The following PTCHD4 variants were observed in gnomAD, a reference collection of about 807,000 sequenced individuals.
PTCHD4 encodes patched domain containing 4, also known as patched domain-containing protein 4.
Under a neutral mutation model 58.1 loss-of-function variants are expected in PTCHD4, and 33 were observed. The observed-to-expected ratio is 0.57, with a 90% CI of 0.43 to 0.76. The LOEUF is 0.76. PTCHD4 is among the 30% of genes least tolerant of loss of function. The pLI is 0.00. For missense variants in PTCHD4, 1,058 were observed against 1,027.1 expected (o/e 1.03, Z -0.41); for synonymous variants, 478 against 409.6 (o/e 1.17, Z -2.02).
chr6:48,109,998 T>TATAC (rs1562053591), intron 1 of PTCHD4, among the ~76,000 whole-genome samples: 1 of 152,160 alleles, frequency 6.6e-6, no homozygotes, highest in African/African-American at 2.4e-5. Flanking sequence ...AGAGCCCTTG[T>TATAC]ATACAACTGT....
intron 4 of PTCHD4, among the ~76,000 whole-genome samples, chr6:47,991,642 A>G (rs1216051382): frequency 1.3e-5 from 2 of 152,112 alleles, no homozygotes; most frequent in Non-Finnish European, 2.9e-5. Context: ...AAAACTAACA[A>G]TAGACTTAAA....
At chr6:47,979,894 G>A (rs959469501) in intron 4 of PTCHD4, among the ~76,000 whole-genome samples, 1 of 151,836 alleles carries the variant, frequency 6.6e-6, no homozygotes, top group Non-Finnish European at 1.5e-5. Context: ...CTGTATTTTT[G>A]ATGGCCATAG....
intron 4 of PTCHD4, among the ~76,000 whole-genome samples, chr6:47,978,707 A>G (rs1767780251): frequency 6.6e-6 from 1 of 152,158 alleles, no homozygotes; most frequent in Admixed American, 6.5e-5. Context: ...GTGATGGTTA[A>G]GCAAACAGGT....
chr6:47,998,641 G>A (rs1402357512), intron 4 of PTCHD4, among the ~76,000 whole-genome samples: 2 of 152,166 alleles, frequency 1.3e-5, no homozygotes, highest in African/African-American at 4.8e-5. Context: ...AGCAGTGTTG[G>A]ACAGTGCTAT....
chr6:48,075,714 C>T (rs1299276655), intron 1 of PTCHD4, among the ~76,000 whole-genome samples: 1 of 152,166 alleles, frequency 6.6e-6, no homozygotes, highest in African/African-American at 2.4e-5. Context: ...TGTTAGTTGT[C>T]AATAGCATTA....
rs567797539 is a variant in PTCHD4 at position 47,936,705 on chromosome 6, C to G, written c.899-56769G>C. On this transcript the variant is annotated intron_variant, in intron 4 of 4. Coordinates refer to ENST00000339488, the MANE Select transcript of PTCHD4 (RefSeq NM_001384253.1). ...GTGATGTGCTAGGCATTGTTCTAAACAGTTGGGACACATCAATGAACCAAA... is the reference window on the plus strand; with the variant it reads ...GTGATGTGCTAGGCATTGTTCTAAAGAGTTGGGACACATCAATGAACCAAA... Among the ~76,000 whole-genome samples, 192 of 152,284 alleles carry G rather than the reference C, an allele frequency of 1.3e-3. 1 individual carries two copies. The highest frequency in any genetic ancestry group is 4.4e-3 in the African/African-American group (183 of 41,572).
intron 4 of PTCHD4, among the ~76,000 whole-genome samples, chr6:47,953,031 A>C (rs1379981763): frequency 6.8e-6 from 1 of 148,090 alleles, no homozygotes; most frequent in African/African-American, 2.6e-5. Context: ...TGAACATTGA[A>C]GAATACTAAA....
In PTCHD4 at chr6:47,879,493, G is replaced by C. The variant is rs371181867; in HGVS notation, c.1342C>G (p.Arg448Gly). The change falls in exon 5 of 5, where the codon CGT becomes GGT. Residue 448 changes from arginine (R) to glycine (G), a missense_variant. Transcript: ENST00000339488. ...YQHHFIQHFL[R>G]EHYNEWITNI... ...GTAATCCATTCATTATAATGTTCACGGAGGAAGTGCTGAATGAAGTGGTGC... is the reference window on the plus strand; with the variant it reads ...GTAATCCATTCATTATAATGTTCACCGAGGAAGTGCTGAATGAAGTGGTGC... 1.2e-6 allele frequency: 2 copies of C among 1,613,690 alleles called. No homozygotes were observed. Among genetic ancestry groups the C allele is most frequent in the Admixed American group, 3.3e-5 (2 of 59,966 alleles).
chr6:47,935,825 A>G (rs578114494), intron 4 of PTCHD4, among the ~76,000 whole-genome samples: 188 of 152,348 alleles, frequency 1.2e-3, no homozygotes, highest in African/African-American at 4.4e-3. Flanking sequence ...TATACAAAGC[A>G]TATAATTTTA....
chr6:47,948,090 T>A (rs1766490495), intron 4 of PTCHD4, among the ~76,000 whole-genome samples: 1 of 152,228 alleles, frequency 6.6e-6, no homozygotes, highest in Non-Finnish European at 1.5e-5. Flanking sequence ...GCTTCAGAGC[T>A]GGAGCTGTGG....
intron 1 of PTCHD4, among the ~76,000 whole-genome samples, chr6:48,073,441 G>T (rs1765010527): frequency 6.6e-6 from 1 of 152,128 alleles, no homozygotes; most frequent in South Asian, 2.1e-4. Flanking sequence ...TTATTCACTT[G>T]CTCAATTCAC....
rs1443676480 is a variant in PTCHD4 at position 48,075,931 on chromosome 6, A to G, written c.-969-6005T>C. ...AAATAAGACAACAATGACGTTTGCC[A>G]CATCTCTTGACTTTTCCTTTCATGA... On this transcript the variant is annotated intron_variant, in intron 1 of 4. Coordinates refer to ENST00000339488, the MANE Select transcript of PTCHD4 (RefSeq NM_001384253.1). 3.3e-5 allele frequency among the ~76,000 whole-genome samples: 5 copies of G among 152,334 alleles called. No homozygotes were observed. The East Asian group carries it at 9.7e-4, about 29-fold the overall frequency.
intron 4 of PTCHD4, among the ~76,000 whole-genome samples, chr6:47,905,950 A>ATTGCTTG (rs1420661989): frequency 6.6e-6 from 1 of 152,166 alleles, no homozygotes; most frequent in Non-Finnish European, 1.5e-5. Flanking sequence ...GCTGGACTCT[A>ATTGCTTG]TTGCTTGTTG....
intron 1 of PTCHD4, among the ~76,000 whole-genome samples, chr6:48,095,077 G>A (rs1765436549): frequency 1.3e-5 from 2 of 152,228 alleles, no homozygotes; most frequent in South Asian, 2.1e-4. Context: ...GGGGATTGTG[G>A]ACATGTTCAT....
chr6:48,089,908 C>A (rs1335673046), intron 1 of PTCHD4, among the ~76,000 whole-genome samples: 1 of 152,152 alleles, frequency 6.6e-6, no homozygotes, highest in East Asian at 1.9e-4. Context: ...TCTTTTCTTT[C>A]TTTCGTATTT....
At position 47,868,302 on chromosome 6, in the gene PTCHD4, T is replaced by C. The variant is rs1323633198; in HGVS notation, c.*10001A>G. On this transcript the variant is annotated 3_prime_UTR_variant, in exon 5 of 5. Coordinates refer to ENST00000339488, the MANE Select transcript of PTCHD4 (RefSeq NM_001384253.1). The stretch of plus-strand genomic sequence containing the variant: ...CTCTAGGTTGTAGCATTTCAACTTA[T>C]AGGAAAGGACAGTTATTACCAACAA... Among the ~76,000 whole-genome samples, 3 of 151,710 alleles carry C rather than the reference T, an allele frequency of 2.0e-5. No individual in the cohort carries two copies. Among genetic ancestry groups the C allele is most frequent in the East Asian group, 1.9e-4 (1 of 5,140 alleles).
intron 4 of PTCHD4, among the ~76,000 whole-genome samples, chr6:47,951,347 C>T (rs766224161): frequency 6.6e-6 from 1 of 152,164 alleles, no homozygotes; most frequent in Non-Finnish European, 1.5e-5. Flanking sequence ...GGTTTGATAT[C>T]AGCCTAGATG....
At position 47,866,216 on chromosome 6, in the gene PTCHD4, T is replaced by A. The variant is rs1763558971; in HGVS notation, c.*12087A>T. Reference sequence around the variant, plus strand: ...AAACTTCACTTAATAAAAGGCTCTATCAGTATTTATTGGATTAAATGTGTT... The same window carrying A: ...AAACTTCACTTAATAAAAGGCTCTAACAGTATTTATTGGATTAAATGTGTT... On this transcript the variant is annotated 3_prime_UTR_variant, in exon 5 of 5. Coordinates refer to ENST00000339488, the MANE Select transcript of PTCHD4 (RefSeq NM_001384253.1). 6.6e-6 allele frequency among the ~76,000 whole-genome samples: 1 copy of A among 151,904 alleles called. No homozygotes were observed. Among genetic ancestry groups the A allele is most frequent in the Non-Finnish European group, 1.5e-5 (1 of 67,892 alleles).
intron 4 of PTCHD4, among the ~76,000 whole-genome samples, chr6:47,883,166 A>G (rs1581822278): frequency 6.6e-6 from 1 of 152,084 alleles, no homozygotes; most frequent in Non-Finnish European, 1.5e-5. Context: ...AACTTTTGCT[A>G]GCCGATATAT....
Sources: gnomAD v4.1 joint callset for allele counts (sites outside exome capture counted in the v4.1 genomes callset) on GRCh38, gnomAD v4.1.1 for gene constraint, MANE v1.5 for transcripts, NCBI Gene and HGNC (gene_info 2026-07-23, HGNC 2026-07-21) for gene names.